The following SNX1 variants were observed in gnomAD, a reference collection of about 807,000 sequenced individuals.
SNX1 encodes sorting nexin 1.
SNX1 carries 36 observed loss-of-function variants against 71.8 expected under a neutral mutation model. The ratio of observed to expected loss-of-function variants is 0.50; its 90% CI spans 0.38 to 0.66. SNX1 has a LOEUF of 0.66. Ranked by LOEUF, SNX1 falls within the 30% of genes least tolerant of loss-of-function variation. SNX1 has a pLI of 0.00. For missense variants in SNX1, 612 were observed against 646.7 expected, an observed-to-expected ratio of 0.95 and a Z score of 0.58; for synonymous variants, 254 against 240.7, an observed-to-expected ratio of 1.06 and a Z score of -0.51.
rs58171107 is a variant in SNX1 at position 64,140,399 on chromosome 15, G to A, written c.*2781G>A. On this transcript the variant is annotated 3_prime_UTR_variant, in exon 15 of 15. Coordinates refer to ENST00000559844, the MANE Select transcript of SNX1 (RefSeq NM_003099.5). ...TCTCAAATTGTCCCAGATTTATAGCGGCCTCTTGTGTGTTTGTAGCTTGCT... is the reference window on the plus strand; with the variant it reads ...TCTCAAATTGTCCCAGATTTATAGCAGCCTCTTGTGTGTTTGTAGCTTGCT... The A allele has an allele frequency of 0.7, 106,361 of 151,994 alleles. 38,289 individuals are homozygous for A. The highest frequency in any genetic ancestry group is 0.81 in the East Asian group (4,183 of 5,172). The allele number at this position is 151,994 out of a possible 1,614,324, so 9.4% of individuals were successfully genotyped here.
intron 5 of SNX1, among the ~76,000 whole-genome samples, chr15:64,125,464 C>CAA (rs56350009): frequency 0.1 from 4,784 of 45,780 alleles, 611 homozygotes; most frequent in African/African-American, 0.29. Context: ...GACTCCATCT[C>CAA]AAAAAAAAAA....
rs765271417 is a variant in SNX1, at chr15:64,112,630, A to G, written c.217A>G (p.Lys73Glu). ...CCTTCTTCCCATCAACAATGGCTCC[A>G]AAGAAAATGGGATCCATGAAGAACA... ...TSLLPINNGS[K>E]ENGIHEEQDQ... Residue 73 changes from lysine (K) to glutamate (E), a missense_variant, in exon 2 of 15, where the codon AAA becomes GAA. By Grantham distance (56) the Lys-to-Glu change is moderately conservative. Coordinates refer to ENST00000559844, the MANE Select transcript of SNX1 (RefSeq NM_003099.5). 7 of 1,613,776 alleles carry G rather than the reference A, an allele frequency of 4.3e-6. No individual in the cohort carries two copies. Among genetic ancestry groups the G allele is most frequent in the Non-Finnish European group, 5.1e-6 (6 of 1,179,832 alleles).
chr15:64,137,484 G>A (rs2081370828), intron 14 of SNX1, 84 bp from the exon 15 acceptor site: 4 of 1,509,098 alleles, frequency 2.7e-6, no homozygotes, highest in South Asian at 2.3e-5. Flanking sequence ...GGAGCGCCAG[G>A]GTACTGTGCT....
chr15:64,118,374 G>C, intron 3 of SNX1, 130 bp downstream of exon 3: 1 of 1,022,776 alleles, frequency 9.8e-7, no homozygotes, highest in South Asian at 1.6e-5. Flanking sequence ...TATGGTTAAT[G>C]GACAGCCAGA....
chr15:64,118,800 G>C lies in SNX1; in HGVS notation c.412G>C (p.Glu138Gln). The C allele has an allele frequency of 6.2e-7, 1 of 1,613,072 alleles. No individual in the cohort carries two copies. Among genetic ancestry groups the C allele is most frequent in the Non-Finnish European group, 8.5e-7 (1 of 1,179,368 alleles). The part of the protein sequence containing the change: ...QPTYEELEEE[E>Q]QEDQFDLTVG... The stretch of plus-strand genomic sequence containing the variant: ...TTTCTTGAAAAAGCTAGAGGAAGAA[G>C]AACAGGAGGATCAATTTGATTTGAC... The change falls in exon 4 of 15, where the codon GAA (glutamate) becomes CAA (glutamine). Residue 138 changes from glutamate (E) to glutamine (Q), a missense_variant. Transcript: ENST00000559844.
rs1056592430 is a variant in SNX1 at position 64,130,100 on chromosome 15, G to T, written c.921+71G>T. 22 of 1,480,850 alleles carry T rather than the reference G, an allele frequency of 1.5e-5. No individual in the cohort carries two copies. The African/African-American group carries it at 3.1e-4, about 21-fold the overall frequency. The allele number at this position is 1,480,850 out of a possible 1,614,324, so 91.7% of individuals were successfully genotyped here. ...TGGGTCAGAACCCCTAAGGAGTCCTGAAATTTCTGAGATTAGAAACTTTTT... is the reference window on the plus strand; with the variant it reads ...TGGGTCAGAACCCCTAAGGAGTCCTTAAATTTCTGAGATTAGAAACTTTTT... On this transcript the variant is annotated intron_variant, in intron 9 of 14. Transcript: ENST00000559844.
chr15:64,124,147 C>T (rs868749031), intron 5 of SNX1, among the ~76,000 whole-genome samples: 14 of 105,388 alleles, frequency 1.3e-4, no homozygotes, highest in South Asian at 4.4e-4. Flanking sequence ...GAAATCTTTA[C>T]ATATATATAT....
chr15:64,108,214 A>G (rs530639380), intron 1 of SNX1, among the ~76,000 whole-genome samples: 2 of 152,062 alleles, frequency 1.3e-5, no homozygotes, highest in Admixed American at 1.3e-4. Context: ...AAAGGTTATA[A>G]AGCAATGCTT....
At chr15:64,098,222 C>T (rs1288758426) in intron 1 of SNX1, among the ~76,000 whole-genome samples, 1 of 152,124 alleles carries the variant, frequency 6.6e-6, no homozygotes, top group African/African-American at 2.4e-5. Flanking sequence ...TAGTCTGTTC[C>T]TTTAGTAATT....
At chr15:64,136,304 AT>A in intron 12 of SNX1, 25 bp from the exon 13 acceptor site, 1 of 1,580,486 alleles carries the variant, frequency 6.3e-7, no homozygotes, top group Non-Finnish European at 8.7e-7. Flanking sequence ...ATATGAGGTG[AT>A]CCTTTCTTTC....
rs986344124 is a variant in SNX1, at chr15:64,140,028, C to T, written c.*2410C>T. 1 of 152,200 alleles carries T rather than the reference C, an allele frequency of 6.6e-6. No individual in the cohort carries two copies. Among genetic ancestry groups the T allele is most frequent in the Non-Finnish European group, 1.5e-5 (1 of 68,038 alleles). The allele number at this position is 152,200 out of a possible 1,614,324, so 9.4% of individuals were successfully genotyped here. ...TCCCATTAATGTTGTTAACTCTGTT[C>T]ACCGCTTAGGTTGGTGTCTGCCAGA... On this transcript the variant is annotated 3_prime_UTR_variant, in exon 15 of 15. Transcript: ENST00000559844.
In SNX1 at chr15:64,136,889, A is replaced by G. The variant is rs764654956; in HGVS notation, c.1475A>G (p.His492Arg). 2.1e-5 allele frequency: 34 copies of G among 1,613,936 alleles called. No homozygotes were observed. Among genetic ancestry groups the G allele is most frequent in the Non-Finnish European group, 3.4e-6 (4 of 1,179,944 alleles). The change falls in exon 14 of 15, where the codon CAC becomes CGC. Residue 492 changes from histidine to arginine, a missense_variant. His to Arg is a conservative substitution (Grantham distance 29). Transcript: ENST00000559844. Reference protein sequence around the residue: ...EKEKSKDFKNHVIKYLETLLY... With the variant: ...EKEKSKDFKNRVIKYLETLLY... ...GAGAAATCCAAGGACTTCAAGAACC[A>G]CGTGATCAAGTACCTTGAGACACTC...
intron 1 of SNX1, among the ~76,000 whole-genome samples, chr15:64,106,318 TA>T (rs2081021537): frequency 6.6e-6 from 1 of 152,316 alleles, no homozygotes; most frequent in East Asian, 1.9e-4. Context: ...ACCCCTAGTT[TA>T]ACTCCTTAAG....
rs1302461710 is a variant in SNX1 at position 64,131,684 on chromosome 15, C to T, written c.1016-3C>T. ...GGCCTCTGCTGTCTTTTCCTCCTTC[C>T]AGAGCTAGCGCTGAACACAGCCCAG... On this transcript the variant is annotated splice_polypyrimidine_tract_variant and splice_region_variant and intron_variant, in intron 10 of 14. Coordinates refer to ENST00000559844, the MANE Select transcript of SNX1 (RefSeq NM_003099.5). 7 of 1,613,652 alleles carry T rather than the reference C, an allele frequency of 4.3e-6. No homozygotes were observed. The highest frequency in any genetic ancestry group is 5.1e-6 in the Non-Finnish European group (6 of 1,179,914).
rs1166070288 is a variant in SNX1, at chr15:64,134,847, G to T, written c.1365+40G>T. ...GCAGCCCAGCCAGGGGTGTTCTGCT[G>T]GTTCCAAATGAACCCAGGGCCCATC... On this transcript the variant is annotated intron_variant, in intron 12 of 14. Transcript: ENST00000559844. This position sits in a 1 kb window ranked among gnomAD's most constrained non-coding sequence, Gnocchi z 4.1. 1.2e-6 allele frequency: 2 copies of T among 1,609,356 alleles called. No individual in the cohort carries two copies. Among genetic ancestry groups the T allele is most frequent in the Admixed American group, 3.4e-5 (2 of 59,462 alleles).
intron 1 of SNX1, among the ~76,000 whole-genome samples, chr15:64,104,427 C>T (rs1268728693): frequency 6.6e-6 from 1 of 151,984 alleles, no homozygotes; most frequent in Non-Finnish European, 1.5e-5. Context: ...CGCCCGCCAC[C>T]ACGCCCGGCT....
At position 64,134,642 on chromosome 15, in the gene SNX1, C is replaced by T. The variant is rs2081338464; in HGVS notation, c.1222-22C>T. 1.9e-6 allele frequency: 3 copies of T among 1,599,282 alleles called. No individual in the cohort carries two copies. The highest frequency in any genetic ancestry group is 1.7e-5 in the Admixed American group (1 of 59,294). ...AGCTCTTGAAGAGCTGGTTGTGCTC[C>T]TCCTCAACCCCACCCCCACAGGCTG... On this transcript the variant is annotated intron_variant, in intron 11 of 14. Transcript: ENST00000559844. The surrounding 1 kb of genome is among the most constrained non-coding windows in gnomAD (Gnocchi z 4.1).
chr15:64,133,352 A>T (rs750266177), intron 11 of SNX1, among the ~76,000 whole-genome samples: 1 of 152,240 alleles, frequency 6.6e-6, no homozygotes, highest in Non-Finnish European at 1.5e-5. Context: ...AGCAGTGACA[A>T]TCCTGGGGCA....
chr15:64,117,467 A>G (rs754590391), intron 2 of SNX1, among the ~76,000 whole-genome samples: 3 of 152,166 alleles, frequency 2.0e-5, no homozygotes, highest in Non-Finnish European at 2.9e-5. Flanking sequence ...CATGTTGCCC[A>G]GGGTGGTTTT....
Sources: gnomAD v4.1 joint callset for allele counts (sites outside exome capture counted in the v4.1 genomes callset) on GRCh38, gnomAD v4.1.1 for gene constraint, Gnocchi (gnomAD v3.1) non-coding constraint, MANE v1.5 for transcripts, NCBI Gene and HGNC (gene_info 2026-07-23, HGNC 2026-07-21) for gene names.